Variants in MTCL1 observed in about 807,000 individuals in gnomAD.
MTCL1 encodes microtubule crosslinking factor 1, also known as microtubule cross-linking factor 1.
A neutral mutation model predicts 141.4 loss-of-function variants in MTCL1; 79 were observed. The observed-to-expected ratio is 0.56, with a 90% CI of 0.47 to 0.67. The LOEUF (loss-of-function observed/expected upper bound fraction) is 0.67. Ranked by LOEUF, MTCL1 falls within the 30% of genes least tolerant of loss-of-function variation. MTCL1 has a pLI of 0.00. For synonymous variants in MTCL1, 914 were observed against 875.8 expected, an observed-to-expected ratio of 1.04 and a Z score of -0.77; for missense variants, 2,177 against 2,113.9, an observed-to-expected ratio of 1.03 and a Z score of -0.59.
exon 6 of MTCL1, chr18:8,783,979 G>T: frequency 6.2e-7 from 1 of 1,613,802 alleles, no homozygotes; most frequent in Non-Finnish European, 8.5e-7. Flanking sequence ...AGTTGCTCCG[G>T]AGGTCCATCT....
intron 8 of MTCL1, 141 bp from the exon 8 acceptor site, chr18:8,796,089 CTG>C (rs760975835): frequency 3.3e-5 from 24 of 736,446 alleles, no homozygotes; most frequent in Non-Finnish European, 5.0e-5. Context: ...CTTTATCAAA[CTG>C]AACTTCTGGG....
chr18:8,784,229 G>A lies in MTCL1; in HGVS notation c.1117G>A (p.Ala373Thr), dbSNP rs766146950. 6.2e-7 allele frequency: 1 copy of A among 1,610,328 alleles called. No individual in the cohort carries two copies. The highest frequency in any genetic ancestry group is 2.2e-5 in the East Asian group (1 of 44,732). ...CAACATCCAGCGCTGCGACCTGGCA[G>A]CCCACCTGGGGCTGCGTGCCCCCAG... Residue 373 changes from alanine to threonine, a missense_variant, in exon 6 of 17, where the codon GCC becomes ACC. By Grantham distance (58) the Ala-to-Thr change is moderately conservative. Transcript: ENST00000359865.
At chr18:8,806,716 A>G (rs1005001235) in intron 10 of MTCL1, among the ~76,000 whole-genome samples, 177 bp from the exon 10 acceptor site, 1 of 152,112 alleles carries the variant, frequency 6.6e-6, no homozygotes, top group African/African-American at 2.4e-5. Context: ...ATGGCCAGCA[A>G]CAGGGACCCT....
At chr18:8,749,128 A>G (rs1451446746) in intron 4 of MTCL1, among the ~76,000 whole-genome samples, 2 of 152,240 alleles carry the variant, frequency 1.3e-5, no homozygotes, top group Admixed American at 1.3e-4. Context: ...TCGATCAGCC[A>G]GCAGCATTTT....
intron 7 of MTCL1, 119 bp from the exon 7 acceptor site, chr18:8,792,879 C>A: frequency 7.2e-7 from 1 of 1,387,550 alleles, no homozygotes; most frequent in Non-Finnish European, 9.8e-7. Flanking sequence ...TGCTGCAGTG[C>A]CCACACATGC....
At chr18:8,773,665 T>C (rs2096493665) in intron 4 of MTCL1, among the ~76,000 whole-genome samples, 1 of 152,274 alleles carries the variant, frequency 6.6e-6, no homozygotes, top group East Asian at 1.9e-4. Flanking sequence ...TCCTTGTATG[T>C]TTTTTTGCAT....
At chr18:8,807,208 A>C (rs1315927718) in intron 11 of MTCL1, 148 bp downstream of exon 10, 5 of 860,424 alleles carry the variant, frequency 5.8e-6, no homozygotes, top group Non-Finnish European at 8.7e-6. Context: ...GTCTCTTCTT[A>C]AAGTGCAGAG....
At chr18:8,792,477 G>T (rs976259147) in intron 7 of MTCL1, among the ~76,000 whole-genome samples, 13 of 152,068 alleles carry the variant, frequency 8.5e-5, no homozygotes, top group Non-Finnish European at 1.9e-4. Context: ...CTGAGCATCG[G>T]TGTCAGACCA....
chr18:8,824,955 C>T lies in MTCL1; in HGVS notation c.3445C>T (p.Pro1149Ser), dbSNP rs2076968260. ...GGCAGGGCACGAGGACAGCACAGAG[C>T]CTTTCCCCGACTCCTCCTGGTACCT... Residue 1149 changes from proline (P) to serine (S), a missense_variant, in exon 15 of 17, where the codon CCT becomes TCT. By Grantham distance (74) the Pro-to-Ser change is moderately conservative. Coordinates refer to ENST00000359865, the Ensembl canonical transcript of MTCL1. The T allele has an allele frequency of 2.5e-6, 4 of 1,613,516 alleles. No individual in the cohort carries two copies. The Admixed American group carries it at 6.7e-5, about 27-fold the overall frequency.
exon 17 of MTCL1, chr18:8,832,533 A>C (rs960607495): frequency 6.6e-6 from 1 of 152,282 alleles, no homozygotes; most frequent in African/African-American, 2.4e-5. Context: ...GTTCCACTGT[A>C]ATATGTTGTG....
chr18:8,805,292 G>A (rs2076260244), intron 10 of MTCL1, among the ~76,000 whole-genome samples: 1 of 152,068 alleles, frequency 6.6e-6, no homozygotes, highest in Admixed American at 6.5e-5. Context: ...CCCAGTGTCT[G>A]TTGTTCCCAT....
At chr18:8,785,012 G>GT (rs66769622) in intron 6 of MTCL1, among the ~76,000 whole-genome samples, 169 bp downstream of exon 5, 46,204 of 145,632 alleles carry the variant, frequency 0.32, 8,040 homozygotes, top group South Asian at 0.41. Context: ...GTTGGGCTCC[G>GT]TTTTTTTTGT....
chr18:8,794,524 G>T (rs898351544), intron 8 of MTCL1, among the ~76,000 whole-genome samples: 3 of 152,210 alleles, frequency 2.0e-5, no homozygotes, highest in Non-Finnish European at 4.4e-5. Flanking sequence ...CGTGGTGCGG[G>T]TCCGGGTGTC....
chr18:8,791,967 G>T (rs1212104860), intron 7 of MTCL1, among the ~76,000 whole-genome samples: 1 of 152,102 alleles, frequency 6.6e-6, no homozygotes, highest in Non-Finnish European at 1.5e-5. Flanking sequence ...ACTAAGGGAG[G>T]TGCTCTGCTC....
rs539262771 is a variant in MTCL1 at position 8,785,376 on chromosome 18, G to A, written c.1731+533G>A. 5.9e-5 allele frequency among the ~76,000 whole-genome samples: 9 copies of A among 152,324 alleles called. 1 individual carries two copies. The South Asian group carries it at 1.5e-3, about 25-fold the overall frequency. On this transcript the variant is annotated intron_variant, in intron 6 of 16. Transcript: ENST00000359865. ...CTCCCACTGGAGGATCAGCCAAAGC[G>A]GGCGAGGAGCACGGTGCTGAGAAGG...
intron 13 of MTCL1, among the ~76,000 whole-genome samples, chr18:8,820,389 G>C: frequency 6.6e-6 from 1 of 151,916 alleles, no homozygotes; most frequent in Non-Finnish European, 1.5e-5. Context: ...CAGCCTGGGC[G>C]ACAGAGCAAG....
intron 13 of MTCL1, among the ~76,000 whole-genome samples, 167 bp from the exon 13 acceptor site, chr18:8,821,300 C>T (rs1241740689): frequency 6.6e-6 from 1 of 152,144 alleles, no homozygotes; most frequent in Non-Finnish European, 1.5e-5. Flanking sequence ...GATGATTGTA[C>T]TTTAAAGGCC....
chr18:8,785,362 G>A (rs918614075), intron 6 of MTCL1, among the ~76,000 whole-genome samples: 3 of 152,204 alleles, frequency 2.0e-5, no homozygotes, highest in African/African-American at 7.2e-5. Flanking sequence ...TCCCACTGGA[G>A]GATCAGCCAA....
chr18:8,827,625 C>G (rs1366456329), intron 15 of MTCL1, among the ~76,000 whole-genome samples: 1 of 152,138 alleles, frequency 6.6e-6, no homozygotes, highest in African/African-American at 2.4e-5. Context: ...GTCCTCCTGC[C>G]GTGGAACGGT....
Sources: gnomAD v4.1 joint callset for allele counts (sites outside exome capture counted in the v4.1 genomes callset) on GRCh38, gnomAD v4.1.1 for gene constraint, MANE v1.5 for transcripts, NCBI Gene and HGNC (gene_info 2026-07-23, HGNC 2026-07-21) for gene names.